The following SINHCAF variants were observed in gnomAD, a reference collection of about 807,000 sequenced individuals.
The protein encoded by SINHCAF is SIN3-HDAC complex associated factor.
SINHCAF carries 3 observed loss-of-function variants against 25.8 expected under a neutral mutation model. The observed-to-expected ratio is 0.12, with a 90% CI of 0.05 to 0.30. SINHCAF has a LOEUF of 0.30. SINHCAF is among the 10% of genes least tolerant of loss of function. The pLI, the probability that SINHCAF is intolerant of heterozygous loss-of-function variation, is 1.00. For synonymous variants in SINHCAF, 70 were observed against 85.5 expected (o/e 0.82, Z 1.00); for missense variants, 121 against 262.3 (o/e 0.46, Z 3.72).
At chr12:31,283,463 C>A (rs144692453) in intron 5 of SINHCAF, among the ~76,000 whole-genome samples, 2 of 151,858 alleles carry the variant, frequency 1.3e-5, no homozygotes, top group Admixed American at 6.6e-5. Context: ...ATTAGCCAGG[C>A]GTGGTGGCAC....
At position 31,325,257 on chromosome 12, in the gene SINHCAF, C is replaced by G. The variant is rs981758514; in HGVS notation, c.-21+767G>C. The G allele has an allele frequency of 4.4e-6, 2 of 456,748 alleles. No homozygotes were observed. Among genetic ancestry groups the G allele is most frequent in the Admixed American group, 2.3e-5 (1 of 42,584 alleles). 28.3% of individuals were successfully genotyped at this position (456,748 alleles called of 1,614,324 possible). ...CAAAACTTCGGGCTCCGAAAGCACC[C>G]CGGACACCAGAGGCTCTTGGGCGCG... On this transcript the variant is annotated intron_variant, in intron 1 of 5. Coordinates refer to ENST00000337682, the MANE Select transcript of SINHCAF (RefSeq NM_001135812.2). The surrounding 1 kb of genome is among the most constrained non-coding windows in gnomAD (Gnocchi z 5.9).
intron 1 of SINHCAF, among the ~76,000 whole-genome samples, chr12:31,320,399 C>T (rs1191384135): frequency 6.6e-6 from 1 of 152,232 alleles, no homozygotes; most frequent in Non-Finnish European, 1.5e-5. Flanking sequence ...CAAAACCCTT[C>T]CATACCTTTA....
At chr12:31,283,720 C>A (rs768607314) in intron 5 of SINHCAF, among the ~76,000 whole-genome samples, 5 of 152,004 alleles carry the variant, frequency 3.3e-5, no homozygotes, top group Admixed American at 6.6e-5. Flanking sequence ...AAGCCCCCTG[C>A]AGGCCCCTCC....
intron 4 of SINHCAF, among the ~76,000 whole-genome samples, chr12:31,288,442 A>AGCTG (rs1179182315): frequency 2.6e-5 from 4 of 152,166 alleles, no homozygotes; most frequent in Non-Finnish European, 5.9e-5. Flanking sequence ...CACCTATACC[A>AGCTG]GGGTGGTGTC....
chr12:31,303,151 G>T, intron 1 of SINHCAF: 1 of 985,362 alleles, frequency 1.0e-6, no homozygotes, highest in Non-Finnish European at 1.2e-6. Flanking sequence ...AACTGACATA[G>T]CTGCCTTTGC....
intron 5 of SINHCAF, among the ~76,000 whole-genome samples, chr12:31,286,975 G>C (rs1185058563): frequency 6.6e-6 from 1 of 152,064 alleles, no homozygotes. Flanking sequence ...GGAGTGCAAT[G>C]GTGCAAAAAT....
rs1456193687 is a variant in SINHCAF, at chr12:31,325,068, G to A, written c.-21+956C>T. 2.2e-6 allele frequency: 1 copy of A among 456,706 alleles called. No homozygotes were observed. The highest frequency in any genetic ancestry group is 2.0e-5 in the African/African-American group (1 of 50,104). 28.3% of individuals were successfully genotyped at this position (456,706 alleles called of 1,614,324 possible). On this transcript the variant is annotated intron_variant, in intron 1 of 5. Transcript: ENST00000337682. This position sits in a 1 kb window ranked among gnomAD's most constrained non-coding sequence, Gnocchi z 5.9. ...TCTGTCACGTAGAGCACAAAAAGCAGTGCCCTGCGGAGTTCACTGACTCCC... is the reference window on the plus strand; with the variant it reads ...TCTGTCACGTAGAGCACAAAAAGCAATGCCCTGCGGAGTTCACTGACTCCC...
chr12:31,300,928 G>C (rs956546995), intron 1 of SINHCAF, among the ~76,000 whole-genome samples: 16 of 152,082 alleles, frequency 1.1e-4, no homozygotes, highest in African/African-American at 3.6e-4. Flanking sequence ...AGCAAAAAAG[G>C]CCAGTTCATT....
chr12:31,324,732 C>G lies in SINHCAF; in HGVS notation c.-21+1292G>C, dbSNP rs1252843490. ...CGTTTCGCAGGGGCCGGACACTGGACGATCACCCTGGGTAGGGGTCCGGAC... is the reference window on the plus strand; with the variant it reads ...CGTTTCGCAGGGGCCGGACACTGGAGGATCACCCTGGGTAGGGGTCCGGAC... On this transcript the variant is annotated intron_variant, in intron 1 of 5. Coordinates refer to ENST00000337682, the MANE Select transcript of SINHCAF (RefSeq NM_001135812.2). The surrounding 1 kb of genome is among the most constrained non-coding windows in gnomAD (Gnocchi z 5.5). 3 of 348,648 alleles carry G rather than the reference C, an allele frequency of 8.6e-6. No individual in the cohort carries two copies. Among genetic ancestry groups the G allele is most frequent in the African/African-American group, 6.4e-5 (3 of 46,552 alleles). The allele number at this position is 348,648 out of a possible 1,614,324, so 21.6% of individuals were successfully genotyped here.
intron 1 of SINHCAF, chr12:31,304,215 T>C (rs1938934853): frequency 6.6e-6 from 1 of 151,820 alleles, no homozygotes; most frequent in African/African-American, 2.4e-5. Flanking sequence ...TGTGGCCCAA[T>C]GCCACATACC....
intron 4 of SINHCAF, among the ~76,000 whole-genome samples, chr12:31,293,470 C>A (rs923927076): frequency 3.9e-5 from 6 of 152,190 alleles, no homozygotes; most frequent in Admixed American, 2.6e-4. Context: ...CCTTCTTGCA[C>A]ATCTGCAGGA....
intron 1 of SINHCAF, chr12:31,303,269 A>C: frequency 1.0e-6 from 1 of 960,320 alleles, no homozygotes; most frequent in Non-Finnish European, 1.2e-6. Flanking sequence ...CTCTTTAGAG[A>C]ACACAAATGA....
In SINHCAF at chr12:31,326,008, G is replaced by A. The variant is rs1939963024; in HGVS notation, c.-21+16C>T. The A allele has an allele frequency of 1.3e-5, 2 of 151,914 alleles. No individual in the cohort carries two copies. The highest frequency in any genetic ancestry group is 1.3e-4 in the Admixed American group (2 of 15,270). The allele number at this position is 151,914 out of a possible 1,614,324, so 9.4% of individuals were successfully genotyped here. On this transcript the variant is annotated intron_variant, in intron 1 of 5. Coordinates refer to ENST00000337682, the MANE Select transcript of SINHCAF (RefSeq NM_001135812.2). ...TGAGACAGTTTTGCACTAGAAGCAT[G>A]GTGAGAGTCACTCACCTTCCAAAAG...
chr12:31,323,541 C>G (rs760779298), intron 1 of SINHCAF, among the ~76,000 whole-genome samples: 1 of 152,138 alleles, frequency 6.6e-6, no homozygotes, highest in Non-Finnish European at 1.5e-5. Context: ...AAATCCTAAT[C>G]TTCCGAGTGC....
intron 1 of SINHCAF, among the ~76,000 whole-genome samples, chr12:31,322,254 T>C (rs938753497): frequency 6.6e-6 from 1 of 152,164 alleles, no homozygotes; most frequent in African/African-American, 2.4e-5. Context: ...ACAAAAACCA[T>C]TAAGCTCTGT....
chr12:31,325,648 G>A lies in SINHCAF; in HGVS notation c.-21+376C>T. 5.6e-6 allele frequency: 1 copy of A among 178,912 alleles called. No homozygotes were observed. Among genetic ancestry groups the A allele is most frequent in the Non-Finnish European group, 1.2e-5 (1 of 83,114 alleles). The allele number at this position is 178,912 out of a possible 1,614,324, so 11.1% of individuals were successfully genotyped here. On this transcript the variant is annotated intron_variant, in intron 1 of 5. Coordinates refer to ENST00000337682, the MANE Select transcript of SINHCAF (RefSeq NM_001135812.2). The surrounding 1 kb of genome is among the most constrained non-coding windows in gnomAD (Gnocchi z 5.9). ...AGTCGCTTTCCTCTCGGGCCTTTCG[G>A]CCGCCGGGCTCCTTTCCGCGAGAGA... is the stretch of plus-strand genomic sequence containing the variant.
At chr12:31,282,893 A>G (rs1313269424) in intron 5 of SINHCAF, 22 bp from the exon 6 acceptor site, 1 of 1,551,042 alleles carries the variant, frequency 6.4e-7, no homozygotes. Context: ...AATGGAGAAC[A>G]AGATACATTA....
intron 1 of SINHCAF, among the ~76,000 whole-genome samples, chr12:31,313,986 G>A (rs1939392381): frequency 6.6e-6 from 1 of 152,032 alleles, no homozygotes; most frequent in African/African-American, 2.4e-5. Flanking sequence ...AAAAAAAAGA[G>A]AAAGAGAATT....
chr12:31,320,961 A>C (rs558234960), intron 1 of SINHCAF, among the ~76,000 whole-genome samples: 29 of 152,346 alleles, frequency 1.9e-4, no homozygotes, highest in African/African-American at 6.3e-4. Context: ...AAACAACTAA[A>C]TACAAAGCTA....
Sources: allele counts gnomAD v4.1 joint callset (sites outside exome capture counted in the v4.1 genomes callset), GRCh38; gene constraint gnomAD v4.1.1; non-coding constraint Gnocchi (gnomAD v3.1); transcripts MANE v1.5; gene names NCBI Gene and HGNC (gene_info 2026-07-23, HGNC 2026-07-21).